ADAM18: variants seen among roughly 807,000 people sequenced by gnomAD.
ADAM18 encodes the protein ADAM metallopeptidase domain 18, also known as disintegrin and metalloproteinase domain-containing protein 18.
ADAM18 carries 117 observed loss-of-function variants against 94.4 expected under a neutral mutation model. The observed-to-expected ratio is 1.24, with a 90% CI of 1.07 to 1.45. The LOEUF is 1.45. Among genes scored for constraint, ADAM18 ranks in the 40% most tolerant of loss-of-function variants. ADAM18 has a pLI of 0.00. For synonymous variants in ADAM18, 327 were observed against 291.6 expected (o/e 1.12, Z -1.24); for missense variants, 936 against 880.0 (o/e 1.06, Z -0.81).
chr8:39,617,590 A>T (rs953911550), intron 6 of ADAM18, among the ~76,000 whole-genome samples: 3 of 152,182 alleles, frequency 2.0e-5, no homozygotes, highest in Non-Finnish European at 4.4e-5. Context: ...ATCAATCTAG[A>T]TGTCCATCAG....
intron 10 of ADAM18, among the ~76,000 whole-genome samples, chr8:39,641,902 C>G (rs903295323): frequency 2.0e-5 from 3 of 152,088 alleles, no homozygotes; most frequent in Non-Finnish European, 4.4e-5. Flanking sequence ...TCCTCTTTCT[C>G]CACAACCTCT....
intron 7 of ADAM18, among the ~76,000 whole-genome samples, chr8:39,635,445 T>G (rs1820050489): frequency 2.6e-5 from 4 of 152,164 alleles, no homozygotes; most frequent in Admixed American, 2.6e-4. Flanking sequence ...AAACTTATTA[T>G]TTTGAAAGAA....
At position 39,698,563 on chromosome 8, in the gene ADAM18, G is replaced by A. The variant is rs1376715; in HGVS notation, c.1902+5883G>A. On this transcript the variant is annotated intron_variant, in intron 17 of 19. Coordinates refer to ENST00000265707, the MANE Select transcript of ADAM18 (RefSeq NM_014237.3). Reference sequence around the variant, plus strand: ...AGGAGTCACAGAAGTGTTCTTTGTTGATTACATTAATTTTCTGCTACCTCT... The same window carrying A: ...AGGAGTCACAGAAGTGTTCTTTGTTAATTACATTAATTTTCTGCTACCTCT... Among the ~76,000 whole-genome samples the A allele has an allele frequency of 7.0e-4, 106 of 152,030 alleles. 2 individuals are homozygous for A. The East Asian group carries it at 0.019, about 27-fold the overall frequency.
intron 17 of ADAM18, among the ~76,000 whole-genome samples, chr8:39,700,132 CTAGAAAT>C (rs1822023539): frequency 6.6e-6 from 1 of 151,978 alleles, no homozygotes; most frequent in African/African-American, 2.4e-5. Context: ...CTTGCGTATT[CTAGAAAT>C]TAAAGTTATG....
chr8:39,590,043 T>C (rs906826512), intron 2 of ADAM18, among the ~76,000 whole-genome samples: 1 of 150,024 alleles, frequency 6.7e-6, no homozygotes, highest in Non-Finnish European at 1.5e-5. Flanking sequence ...CTCAGGGATC[T>C]AGAACTAGAA....
chr8:39,663,892 T>G lies in ADAM18; in HGVS notation c.1326+2T>G. The G allele has an allele frequency of 6.2e-7, 1 of 1,605,286 alleles. No individual in the cohort carries two copies. Among genetic ancestry groups the G allele is most frequent in the Non-Finnish European group, 8.5e-7 (1 of 1,175,222 alleles). On this transcript the variant is annotated splice_donor_variant, in intron 13 of 19. Coordinates refer to ENST00000265707, the MANE Select transcript of ADAM18 (RefSeq NM_014237.3). LOFTEE classifies it high-confidence loss of function. Reference sequence around the variant, plus strand: ...CCATGTTGTACATCAAAGTGTGAGGTAAGTTACTAACATTCATTAAAAGCA... The same window carrying G: ...CCATGTTGTACATCAAAGTGTGAGGGAAGTTACTAACATTCATTAAAAGCA...
intron 12 of ADAM18, among the ~76,000 whole-genome samples, chr8:39,652,274 A>C (rs1053206811): frequency 6.6e-6 from 1 of 152,140 alleles, no homozygotes; most frequent in Non-Finnish European, 1.5e-5. Context: ...TTAAGGAATT[A>C]GAGGAAATAT....
At chr8:39,614,284 C>T (rs1298761098) in intron 6 of ADAM18, among the ~76,000 whole-genome samples, 1 of 152,172 alleles carries the variant, frequency 6.6e-6, no homozygotes, top group Non-Finnish European at 1.5e-5. Context: ...CTCAGCAAAA[C>T]CCTGTGAGCC....
At position 39,653,554 on chromosome 8, in the gene ADAM18, T is replaced by C. The variant is rs149085806; in HGVS notation, c.1230+5027T>C. 6.0e-3 allele frequency among the ~76,000 whole-genome samples: 913 copies of C among 152,338 alleles called. 5 individuals carry two copies. The highest frequency in any genetic ancestry group is 0.021 in the African/African-American group (867 of 41,584). On this transcript the variant is annotated intron_variant, in intron 12 of 19. Coordinates refer to ENST00000265707, the MANE Select transcript of ADAM18 (RefSeq NM_014237.3). ...CAACCTCTCATCAGAGAGAAGTTCA[T>C]GCCACATGACTCTACAAGTAATTAT...
intron 17 of ADAM18, among the ~76,000 whole-genome samples, chr8:39,700,788 G>C (rs561070386): frequency 2.6e-5 from 4 of 151,884 alleles, no homozygotes; most frequent in African/African-American, 4.8e-5. Context: ...GTTCATATAA[G>C]ACTTAGAATA....
In ADAM18 at chr8:39,680,146, ATAGCCACTGGTT is replaced by A. The variant is rs1208302340; in HGVS notation, c.1742_1753del (p.Ile581_Ser585delinsThr). On this transcript the variant is annotated inframe_deletion, in exon 16 of 20. Coordinates refer to ENST00000265707, the MANE Select transcript of ADAM18 (RefSeq NM_014237.3). ...TATTCAAGACCATGTATGTGTATCT[ATAGCCACTGGTT>A]CCTCCATGAGATCAGATGGAACAGA... The A allele has an allele frequency of 6.8e-6, 11 of 1,613,758 alleles. No homozygotes were observed. Among genetic ancestry groups the A allele is most frequent in the Non-Finnish European group, 9.3e-6 (11 of 1,179,898 alleles).
chr8:39,588,801 G>T (rs1563264521), intron 2 of ADAM18, among the ~76,000 whole-genome samples: 7 of 152,174 alleles, frequency 4.6e-5, no homozygotes. Context: ...GGGAGCCATG[G>T]AGCATCTCTT....
intron 12 of ADAM18, among the ~76,000 whole-genome samples, chr8:39,657,354 C>G (rs1006500815): frequency 6.6e-6 from 1 of 152,090 alleles, no homozygotes; most frequent in African/African-American, 2.4e-5. Flanking sequence ...TTTTATCATC[C>G]AGGCTGGAGT....
At chr8:39,669,819 G>T (rs1225199960) in intron 14 of ADAM18, among the ~76,000 whole-genome samples, 1 of 151,948 alleles carries the variant, frequency 6.6e-6, no homozygotes, top group Non-Finnish European at 1.5e-5. Flanking sequence ...TAATCCTTTG[G>T]GTATATACCC....
intron 18 of ADAM18, among the ~76,000 whole-genome samples, chr8:39,707,155 A>G (rs933898684): frequency 2.0e-5 from 3 of 152,190 alleles, no homozygotes; most frequent in Admixed American, 1.3e-4. Flanking sequence ...CAGTAACAGC[A>G]ATGATTAACT....
At chr8:39,721,558 C>T (rs752933252) in intron 18 of ADAM18, among the ~76,000 whole-genome samples, 22 of 150,400 alleles carry the variant, frequency 1.5e-4, no homozygotes, top group Admixed American at 8.0e-4. Context: ...ACTAAAACTC[C>T]AAAAGAAAAA....
Position 39,598,147 on chromosome 8 carries a change from T to C in ADAM18, c.133-8160T>C, listed in dbSNP as rs150569391. Among the ~76,000 whole-genome samples, 1,256 of 152,310 alleles carry C rather than the reference T, an allele frequency of 8.2e-3. 23 individuals are homozygous for C. The highest frequency in any genetic ancestry group is 0.029 in the African/African-American group (1,188 of 41,578). On this transcript the variant is annotated intron_variant, in intron 2 of 19. Coordinates refer to ENST00000265707, the MANE Select transcript of ADAM18 (RefSeq NM_014237.3). ...CCCTGCAACCTTGCTGTAATTGTTT[T>C]TTGGTTCCAGAAGGTTTTTTCATCA... is the stretch of plus-strand genomic sequence containing the variant.
Position 39,637,997 on chromosome 8 carries a change from T to C in ADAM18, c.827+294T>C, listed in dbSNP as rs979399915. The stretch of plus-strand genomic sequence containing the variant: ...CATATAATCCTTAGTTTATGAATGA[T>C]GTAAAAACGGAGACTATTCAGTTAA... On this transcript the variant is annotated intron_variant, in intron 9 of 19. Transcript: ENST00000265707. Among the ~76,000 whole-genome samples the C allele has an allele frequency of 3.3e-5, 5 of 152,020 alleles. 1 individual carries two copies. Among genetic ancestry groups the C allele is most frequent in the Non-Finnish European group, 7.4e-5 (5 of 67,900 alleles).
rs145225224 is a variant in ADAM18 at position 39,653,289 on chromosome 8, G to A, written c.1230+4762G>A. Among the ~76,000 whole-genome samples, 332 of 151,498 alleles carry A rather than the reference G, an allele frequency of 2.2e-3. 3 individuals carry two copies. Among genetic ancestry groups the A allele is most frequent in the East Asian group, 7.3e-3 (38 of 5,178 alleles). On this transcript the variant is annotated intron_variant, in intron 12 of 19. Transcript: ENST00000265707. Reference sequence around the variant, plus strand: ...TTAATACATAACATTTTTATTTGTCGATTTTTTAAAAAATGTATTTTTAAA... The same window carrying A: ...TTAATACATAACATTTTTATTTGTCAATTTTTTAAAAAATGTATTTTTAAA...
Sources: gnomAD v4.1 joint callset for allele counts (sites outside exome capture counted in the v4.1 genomes callset) on GRCh38, gnomAD v4.1.1 for gene constraint, MANE v1.5 for transcripts, NCBI Gene and HGNC (gene_info 2026-07-23, HGNC 2026-07-21) for gene names.